GLDC: variants seen among roughly 807,000 people sequenced by gnomAD.
The protein encoded by GLDC is glycine decarboxylase.
A neutral mutation model predicts 121.3 loss-of-function variants in GLDC; 104 were observed. The ratio of observed to expected loss-of-function variants is 0.86; its 90% CI spans 0.73 to 1.01. GLDC has a LOEUF of 1.01. Among genes scored for constraint, GLDC ranks in the 50% least tolerant of loss-of-function variants. The pLI, the probability that GLDC is intolerant of heterozygous loss-of-function variation, is 0.00. For missense variants in GLDC, 1,429 were observed against 1,306.6 expected (o/e 1.09, Z -1.44); for synonymous variants, 546 against 480.6 (o/e 1.14, Z -1.78).
At chr9:6,633,814 G>C (rs1819439956) in intron 2 of GLDC, among the ~76,000 whole-genome samples, 1 of 143,254 alleles carries the variant, frequency 7.0e-6, no homozygotes. Flanking sequence ...GGCTGAGGCA[G>C]GAGAATCTTT....
At chr9:6,635,847 C>G (rs936949881) in intron 2 of GLDC, among the ~76,000 whole-genome samples, 24 of 151,064 alleles carry the variant, frequency 1.6e-4, no homozygotes, top group Middle Eastern at 3.4e-3. Context: ...TGTAGTCGAG[C>G]CTGGGTGACA....
chr9:6,609,600 C>G (rs941673184), intron 4 of GLDC, among the ~76,000 whole-genome samples: 2 of 152,052 alleles, frequency 1.3e-5, no homozygotes, highest in East Asian at 3.9e-4. Flanking sequence ...CTGACCCACA[C>G]CTGCCCTTGA....
rs747009828 is a variant in GLDC, at chr9:6,554,662, A to G, written c.2315+7T>C. ...AGCCATCCTGAAACCAGCAGCCCAG[A>G]ACTTACACTCCGATGGGCCCCATGC... On this transcript the variant is annotated splice_region_variant and intron_variant, in intron 19 of 24. Transcript: ENST00000321612. 1.3e-6 allele frequency: 2 copies of G among 1,594,420 alleles called. No individual in the cohort carries two copies. Among genetic ancestry groups the G allele is most frequent in the Admixed American group, 3.3e-5 (2 of 59,816 alleles).
chr9:6,564,735 G>T (rs995603621), intron 16 of GLDC, among the ~76,000 whole-genome samples: 1 of 152,226 alleles, frequency 6.6e-6, no homozygotes, highest in Non-Finnish European at 1.5e-5. Context: ...CCCCTGGGGG[G>T]AGCGAGTGGT....
chr9:6,612,516 C>A (rs978096534), intron 3 of GLDC, among the ~76,000 whole-genome samples: 1 of 151,878 alleles, frequency 6.6e-6, no homozygotes, highest in Non-Finnish European at 1.5e-5. Flanking sequence ...GGCAATCACT[C>A]GAGCCCTGGA....
At chr9:6,575,390 A>G (rs1587937893) in intron 15 of GLDC, among the ~76,000 whole-genome samples, 1 of 152,326 alleles carries the variant, frequency 6.6e-6, no homozygotes, top group East Asian at 1.9e-4. Flanking sequence ...TGGTTTTCAC[A>G]GGCTGGTGGC....
intron 23 of GLDC, among the ~76,000 whole-genome samples, chr9:6,535,658 G>T (rs1221465797): frequency 6.6e-6 from 1 of 152,058 alleles, no homozygotes; most frequent in African/African-American, 2.4e-5. Flanking sequence ...TCCCCAACAT[G>T]GGGCATAAAC....
intron 9 of GLDC, among the ~76,000 whole-genome samples, chr9:6,594,756 AAAGC>A (rs897248420): frequency 6.6e-6 from 1 of 152,008 alleles, no homozygotes; most frequent in African/African-American, 2.4e-5. Flanking sequence ...AGCAAGCAAG[AAAGC>A]AAGCAAGCAA....
At chr9:6,610,461 T>G in intron 3 of GLDC, 105 bp from the exon 4 acceptor site, 1 of 1,088,796 alleles carries the variant, frequency 9.2e-7, no homozygotes, top group Non-Finnish European at 1.4e-6. Context: ...TTGCCTATCT[T>G]GAGGAGAATT....
intron 2 of GLDC, among the ~76,000 whole-genome samples, chr9:6,628,683 G>C (rs918938596): frequency 2.6e-5 from 4 of 152,202 alleles, no homozygotes; most frequent in Non-Finnish European, 5.9e-5. Flanking sequence ...GGAGGCTGCA[G>C]TGAGCAGTGA....
At chr9:6,601,818 A>G (rs1818617168) in intron 8 of GLDC, among the ~76,000 whole-genome samples, 1 of 152,042 alleles carries the variant, frequency 6.6e-6, no homozygotes, top group Admixed American at 6.6e-5. Flanking sequence ...TTTCATAGAG[A>G]TGGTGTTTCG....
At position 6,533,180 on chromosome 9, in the gene GLDC, G is replaced by A; in HGVS notation, c.2920-20C>T. The A allele has an allele frequency of 6.2e-7, 1 of 1,612,212 alleles. No homozygotes were observed. The highest frequency in any genetic ancestry group is 8.5e-7 in the Non-Finnish European group (1 of 1,178,286). On this transcript the variant is annotated intron_variant, in intron 24 of 24. Transcript: ENST00000321612. ...GAAGGGCTGCAAAGGACAAAAGATG[G>A]AAATGCTGTGAGATGTTCTGGGAGG...
At chr9:6,534,521 T>C (rs1341641581) in intron 24 of GLDC, among the ~76,000 whole-genome samples, 187 bp downstream of exon 24, 1 of 152,168 alleles carries the variant, frequency 6.6e-6, no homozygotes, top group Non-Finnish European at 1.5e-5. Context: ...CCCAGATCTG[T>C]GGTTGATACT....
At chr9:6,597,881 G>C (rs967658896) in intron 8 of GLDC, among the ~76,000 whole-genome samples, 5 of 152,062 alleles carry the variant, frequency 3.3e-5, no homozygotes, top group Non-Finnish European at 5.9e-5. Flanking sequence ...GCTTCAGTGA[G>C]CGAGATGGCG....
intron 11 of GLDC, among the ~76,000 whole-genome samples, chr9:6,591,628 A>G (rs776182797): frequency 6.6e-6 from 1 of 152,116 alleles, no homozygotes; most frequent in African/African-American, 2.4e-5. Flanking sequence ...CTTGCTGCCC[A>G]GGCTAGAGTG....
intron 15 of GLDC, among the ~76,000 whole-genome samples, chr9:6,576,980 TTG>T: frequency 6.6e-6 from 1 of 152,308 alleles, no homozygotes; most frequent in African/African-American, 2.4e-5. Flanking sequence ...AACCTTTCCC[TTG>T]AGCTGATGAA....
chr9:6,587,518 T>C (rs1818294872), intron 14 of GLDC, among the ~76,000 whole-genome samples: 2 of 152,222 alleles, frequency 1.3e-5, no homozygotes, highest in African/African-American at 2.4e-5. Flanking sequence ...AAAAATACAA[T>C]GTTTTGCTAA....
chr9:6,556,409 C>A, intron 17 of GLDC, 107 bp from the exon 18 acceptor site: 1 of 909,150 alleles, frequency 1.1e-6, no homozygotes, highest in Admixed American at 1.8e-5. Flanking sequence ...AAGTCTCAGT[C>A]TTTACTTTCC....
At chr9:6,579,859 T>C (rs975840483) in intron 15 of GLDC, among the ~76,000 whole-genome samples, 17 of 152,174 alleles carry the variant, frequency 1.1e-4, no homozygotes, top group Admixed American at 8.5e-4. Context: ...TCCAGTGAAG[T>C]GTGCAACTAA....
Sources: gnomAD v4.1 joint callset for allele counts (sites outside exome capture counted in the v4.1 genomes callset) on GRCh38, gnomAD v4.1.1 for gene constraint, MANE v1.5 for transcripts, NCBI Gene and HGNC (gene_info 2026-07-23, HGNC 2026-07-21) for gene names.